OPCML: variants seen among roughly 807,000 people sequenced by gnomAD.
OPCML encodes opioid binding protein/cell adhesion molecule like, also known as opioid-binding protein/cell adhesion molecule.
Under a neutral mutation model 37.8 loss-of-function variants are expected in OPCML, and 13 were observed. The ratio of observed to expected loss-of-function variants is 0.34; its 90% CI spans 0.22 to 0.55. The LOEUF (loss-of-function observed/expected upper bound fraction) is 0.55, where lower values mean the gene tolerates loss of function less well. Among genes scored for constraint, OPCML ranks in the 20% least tolerant of loss-of-function variants. OPCML has a pLI of 0.91. For synonymous variants in OPCML, 176 were observed against 168.8 expected, an observed-to-expected ratio of 1.04 and a Z score of -0.33; for missense variants, 341 against 435.6, an observed-to-expected ratio of 0.78 and a Z score of 1.93.
chr11:133,157,362 T>C (rs1179195053), intron 1 of OPCML, among the ~76,000 whole-genome samples: 1 of 152,180 alleles, frequency 6.6e-6, no homozygotes, highest in East Asian at 1.9e-4. Flanking sequence ...CCCAGAATGC[T>C]AGCAGGGCTG....
chr11:132,675,856 G>A (rs1446102237), intron 2 of OPCML, among the ~76,000 whole-genome samples: 2 of 152,148 alleles, frequency 1.3e-5, no homozygotes, highest in African/African-American at 4.8e-5. Context: ...TGTGAAGATG[G>A]TCATATTTCC....
At chr11:133,456,163 A>G (rs912854954) in intron 1 of OPCML, among the ~76,000 whole-genome samples, 3 of 152,220 alleles carry the variant, frequency 2.0e-5, no homozygotes, top group Admixed American at 6.5e-5. Context: ...TTTGGGGGCA[A>G]ATGATTTTTA....
intron 2 of OPCML, among the ~76,000 whole-genome samples, chr11:132,781,754 G>A (rs1296639374): frequency 6.6e-6 from 1 of 151,116 alleles, no homozygotes; most frequent in Admixed American, 6.6e-5. Flanking sequence ...AGAAGAGAAG[G>A]CATTTGAGAC....
At chr11:133,463,686 A>G (rs550317270) in intron 1 of OPCML, among the ~76,000 whole-genome samples, 92 of 152,286 alleles carry the variant, frequency 6.0e-4, no homozygotes, top group African/African-American at 1.7e-3. Context: ...ATTCAGCTAT[A>G]CCGACACCTG....
chr11:133,420,479 T>G (rs1043507548), intron 1 of OPCML: 9 of 985,232 alleles, frequency 9.1e-6, no homozygotes, highest in Non-Finnish European at 1.1e-5. Flanking sequence ...TTCTTCTTCT[T>G]TAGGACTTTT....
chr11:132,934,168 T>G (rs1270738145), intron 2 of OPCML, among the ~76,000 whole-genome samples: 3 of 152,072 alleles, frequency 2.0e-5, no homozygotes, highest in Non-Finnish European at 4.4e-5. Flanking sequence ...TTTGGGTAAA[T>G]AGGCAGATGG....
intron 3 of OPCML, among the ~76,000 whole-genome samples, chr11:132,626,903 A>G (rs1265541236): frequency 6.6e-6 from 1 of 150,852 alleles, no homozygotes; most frequent in African/African-American, 2.4e-5. Flanking sequence ...TGTTTTATAT[A>G]TATAAAACAT....
chr11:132,930,251 T>A lies in OPCML; in HGVS notation c.146+12675A>T, dbSNP rs1284369605. 4.6e-5 allele frequency among the ~76,000 whole-genome samples: 7 copies of A among 152,090 alleles called. 1 individual carries two copies. The South Asian group carries it at 1.2e-3, about 27-fold the overall frequency. ...TGGTGGCCTGCAACTGTGGTCCCAG[T>A]TACTTGAGAGGATGAGGTGGGAGAA... On this transcript the variant is annotated intron_variant, in intron 2 of 7. Transcript: ENST00000524381.
chr11:132,976,511 G>A (rs925918555), intron 1 of OPCML, among the ~76,000 whole-genome samples: 1 of 152,160 alleles, frequency 6.6e-6, no homozygotes, highest in African/African-American at 2.4e-5. Flanking sequence ...CCAAGGATGA[G>A]GTTAGCATGT....
chr11:133,391,701 T>C (rs1945177603), intron 1 of OPCML, among the ~76,000 whole-genome samples: 1 of 152,200 alleles, frequency 6.6e-6, no homozygotes, highest in Non-Finnish European at 1.5e-5. Flanking sequence ...AAAGCAATGT[T>C]ACCATATGAT....
chr11:133,003,597 A>G, intron 1 of OPCML: 3 of 950,484 alleles, frequency 3.2e-6, no homozygotes, highest in Non-Finnish European at 3.8e-6. Flanking sequence ...TAGAAGTTGG[A>G]TATTGGCTGG....
chr11:132,970,274 C>T (rs1045385681), intron 1 of OPCML, among the ~76,000 whole-genome samples: 6 of 152,060 alleles, frequency 3.9e-5, no homozygotes, highest in African/African-American at 1.2e-4. Context: ...TAGGCACATA[C>T]GAAATATTTT....
intron 1 of OPCML, among the ~76,000 whole-genome samples, chr11:133,395,568 A>G (rs764151887): frequency 6.6e-6 from 1 of 152,084 alleles, no homozygotes; most frequent in Non-Finnish European, 1.5e-5. Flanking sequence ...TGATTCTTGT[A>G]TATGGCAAGA....
intron 3 of OPCML, among the ~76,000 whole-genome samples, chr11:132,596,052 T>C (rs1368077471): frequency 2.0e-5 from 3 of 152,178 alleles, no homozygotes; most frequent in African/African-American, 7.2e-5. Context: ...ACTCCACCAC[T>C]TGGCTGTGTG....
At chr11:133,406,313 G>A (rs1945524797) in intron 1 of OPCML, among the ~76,000 whole-genome samples, 1 of 152,074 alleles carries the variant, frequency 6.6e-6, no homozygotes, top group African/African-American at 2.4e-5. Flanking sequence ...AGATTGGAGG[G>A]TAATTATCTT....
chr11:133,125,431 A>G (rs1949485540), intron 1 of OPCML, among the ~76,000 whole-genome samples: 1 of 151,874 alleles, frequency 6.6e-6, no homozygotes, highest in African/African-American at 2.4e-5. Context: ...CATGTTTTAC[A>G]TACAGAATCA....
intron 1 of OPCML, among the ~76,000 whole-genome samples, chr11:133,348,739 G>A (rs1944058378): frequency 6.6e-6 from 1 of 152,166 alleles, no homozygotes. Context: ...TTAGTATAAA[G>A]GCCGTGATAC....
At chr11:133,516,408 G>T (rs1462564158) in intron 1 of OPCML, among the ~76,000 whole-genome samples, 1 of 152,136 alleles carries the variant, frequency 6.6e-6, no homozygotes, top group Non-Finnish European at 1.5e-5. Context: ...CATAGCCAAA[G>T]ATCTGGGGGG....
intron 1 of OPCML, among the ~76,000 whole-genome samples, chr11:133,154,107 G>A (rs1412168775): frequency 1.3e-5 from 2 of 152,070 alleles, no homozygotes; most frequent in African/African-American, 4.8e-5. Context: ...TCTGACCAGA[G>A]GACCCACGCT....
Sources: allele counts gnomAD v4.1 joint callset (sites outside exome capture counted in the v4.1 genomes callset), GRCh38; gene constraint gnomAD v4.1.1; transcripts MANE v1.5; gene names NCBI Gene and HGNC (gene_info 2026-07-23, HGNC 2026-07-21).